Variants in SVOP observed in about 807,000 individuals in gnomAD.
SVOP encodes the protein synaptic vesicle 2-related protein.
SVOP carries 17 observed loss-of-function variants against 69.1 expected under a neutral mutation model. The observed-to-expected ratio is 0.25, with a 90% CI of 0.17 to 0.37. The LOEUF (loss-of-function observed/expected upper bound fraction) is 0.37, where lower values mean the gene tolerates loss of function less well. SVOP is among the 10% of genes least tolerant of loss of function. The pLI, the probability that SVOP is intolerant of heterozygous loss-of-function variation, is 1.00. For synonymous variants in SVOP, 238 were observed against 238.6 expected (o/e 1.00, Z 0.02); for missense variants, 435 against 597.5 (o/e 0.73, Z 2.84).
At chr12:108,937,047 T>G in intron 10 of SVOP, 1 of 547,402 alleles carries the variant, frequency 1.8e-6, no homozygotes, top group East Asian at 3.2e-5. Flanking sequence ...GCACGGTGAT[T>G]AAAAGCAGTC....
chr12:108,970,240 A>G (rs1313876675), intron 5 of SVOP, among the ~76,000 whole-genome samples: 1 of 152,188 alleles, frequency 6.6e-6, no homozygotes, highest in Admixed American at 6.5e-5. Context: ...AGCCACAGGC[A>G]TCATAGTGAA....
intron 1 of SVOP, among the ~76,000 whole-genome samples, chr12:109,006,112 GCA>G (rs2040305866): frequency 6.6e-6 from 1 of 152,166 alleles, no homozygotes; most frequent in Admixed American, 6.6e-5. Context: ...GAGTGCAGTG[GCA>G]CAGTCTCGGC....
At chr12:108,913,059 T>C (rs1302595073) in intron 15 of SVOP, among the ~76,000 whole-genome samples, 1 of 150,736 alleles carries the variant, frequency 6.6e-6, no homozygotes, top group East Asian at 1.9e-4. Context: ...CAAGTATTCT[T>C]TTTTTTGTTT....
intron 1 of SVOP, among the ~76,000 whole-genome samples, chr12:108,993,696 C>T (rs1236617327): frequency 2.0e-5 from 3 of 152,116 alleles, no homozygotes; most frequent in Non-Finnish European, 2.9e-5. Context: ...TGACATTTCA[C>T]GTATGGAACC....
At chr12:108,928,848 A>G (rs974222125) in intron 11 of SVOP, among the ~76,000 whole-genome samples, 1 of 152,172 alleles carries the variant, frequency 6.6e-6, no homozygotes, top group Admixed American at 6.5e-5. Context: ...GATTACAGGC[A>G]TGAACCACCA....
At chr12:109,014,886 T>C (rs2040359796) in intron 1 of SVOP, among the ~76,000 whole-genome samples, 1 of 152,114 alleles carries the variant, frequency 6.6e-6, no homozygotes, top group Non-Finnish European at 1.5e-5. Flanking sequence ...CATGGCTGGC[T>C]AGTTTTTCAA....
chr12:109,006,934 T>C (rs1490090920), intron 1 of SVOP, among the ~76,000 whole-genome samples: 4 of 152,108 alleles, frequency 2.6e-5, no homozygotes, highest in Non-Finnish European at 4.4e-5. Flanking sequence ...AAAAGATGGC[T>C]GCAGAGGAGT....
intron 5 of SVOP, among the ~76,000 whole-genome samples, chr12:108,966,950 T>C (rs2040049167): frequency 7.2e-6 from 1 of 138,268 alleles, no homozygotes; most frequent in South Asian, 2.2e-4. Flanking sequence ...GGTATAATAA[T>C]AGACATTTAT....
intron 7 of SVOP, 31 bp from the exon 8 acceptor site, chr12:108,940,940 G>C: frequency 6.5e-7 from 1 of 1,533,662 alleles, no homozygotes; most frequent in South Asian, 1.2e-5. Flanking sequence ...TCAGTGGTGG[G>C]GGTAGCATGG....
At chr12:108,987,523 G>A (rs1397943988) in intron 1 of SVOP, among the ~76,000 whole-genome samples, 2 of 152,196 alleles carry the variant, frequency 1.3e-5, no homozygotes, top group Non-Finnish European at 2.9e-5. Context: ...TTGCCAGAAT[G>A]TCTTCCACAG....
chr12:109,020,754 A>AC (rs67827847), intron 1 of SVOP, 80 bp downstream of exon 1: 17,994 of 236,594 alleles, frequency 0.076, 535 homozygotes, highest in South Asian at 0.12. Context: ...GCAGAGATGT[A>AC]CCCCCCCCCA....
In SVOP at chr12:108,909,867, G is replaced by A. The variant is rs1295086596; in HGVS notation, c.*2668C>T. The A allele has an allele frequency of 6.6e-6, 1 of 152,180 alleles. No individual in the cohort carries two copies. The highest frequency in any genetic ancestry group is 1.5e-5 in the Non-Finnish European group (1 of 68,028). The allele number at this position is 152,180 out of a possible 1,614,324, so 9.4% of individuals were successfully genotyped here. ...AGCTAAAGGTCTCACATATTCAGAA[G>A]TTTGGGTGCCTTTTGTGATAGCTCT... On this transcript the variant is annotated 3_prime_UTR_variant, in exon 16 of 16. Transcript: ENST00000610966.
intron 5 of SVOP, among the ~76,000 whole-genome samples, chr12:108,966,313 T>A (rs1444445955): frequency 6.6e-6 from 1 of 152,210 alleles, no homozygotes; most frequent in Non-Finnish European, 1.5e-5. Context: ...TGGATGCGTT[T>A]ATCTCCATGT....
At chr12:108,991,782 A>AC (rs1241142358) in intron 1 of SVOP, among the ~76,000 whole-genome samples, 3 of 25,062 alleles carry the variant, frequency 1.2e-4, no homozygotes, top group Non-Finnish European at 3.9e-4. Context: ...TACAAAAAAA[A>AC]ACAAAAAAAA....
In SVOP at chr12:108,919,681, A is replaced by T. The variant is rs779009814; in HGVS notation, c.1262T>A (p.Val421Asp). The T allele has an allele frequency of 1.9e-6, 3 of 1,601,196 alleles. No individual in the cohort carries two copies. Among genetic ancestry groups the T allele is most frequent in the Non-Finnish European group, 2.6e-6 (3 of 1,173,940 alleles). The change falls in exon 13 of 16, where the codon GTT (valine) becomes GAT (aspartate). Residue 421 changes from valine to aspartate, a missense_variant. By Grantham distance (152) the Val-to-Asp change is radical (BLOSUM62 -3). Transcript: ENST00000610966. ...SFCSLLLFIC[V>D]GRNVLTLLLF... ...AGGCTTGCAGATCACCTACCTTCCA[A>T]CACAGATAAACAGCAGGAGGCTGCA...
Position 108,923,163 on chromosome 12 carries a change from T to C in SVOP, c.1049-366A>G, listed in dbSNP as rs2039760427. On this transcript the variant is annotated intron_variant, in intron 11 of 15. Transcript: ENST00000610966. Reference sequence around the variant, plus strand: ...CCACTTCCTGGTAGTCATATTCTTGTGTAATCCCCTCCCCTTGATTGTGTA... The same window carrying C: ...CCACTTCCTGGTAGTCATATTCTTGCGTAATCCCCTCCCCTTGATTGTGTA... Among the ~76,000 whole-genome samples the C allele has an allele frequency of 2.6e-5, 4 of 152,224 alleles. 1 individual carries two copies. The South Asian group carries it at 8.3e-4, about 32-fold the overall frequency.
intron 1 of SVOP, 75 bp downstream of exon 1, chr12:109,020,759 C>CT: frequency 6.4e-6 from 2 of 314,282 alleles, no homozygotes; most frequent in South Asian, 4.9e-5. Flanking sequence ...GATGTACCCC[C>CT]CCCCACCCCC....
intron 12 of SVOP, among the ~76,000 whole-genome samples, chr12:108,922,136 G>A (rs1189925376): frequency 1.3e-5 from 2 of 152,150 alleles, no homozygotes; most frequent in African/African-American, 2.4e-5. Flanking sequence ...AGGCTACCAT[G>A]TCAGAGTTGT....
intron 1 of SVOP, among the ~76,000 whole-genome samples, chr12:109,013,844 T>TC (rs909391719): frequency 1.3e-5 from 2 of 151,972 alleles, no homozygotes; most frequent in Non-Finnish European, 2.9e-5. Flanking sequence ...CCATTCCCTC[T>TC]CCCCCCACCA....
Sources: gnomAD v4.1 joint callset for allele counts (sites outside exome capture counted in the v4.1 genomes callset) on GRCh38, gnomAD v4.1.1 for gene constraint, MANE v1.5 for transcripts, NCBI Gene and HGNC (gene_info 2026-07-23, HGNC 2026-07-21) for gene names.